The following NAALADL2 variants were observed in gnomAD, a reference collection of about 807,000 sequenced individuals.
NAALADL2 encodes inactive N-acetylated-alpha-linked acidic dipeptidase-like protein 2.
NAALADL2 carries 76 observed loss-of-function variants against 87.2 expected under a neutral mutation model. The ratio of observed to expected loss-of-function variants is 0.87; its 90% CI spans 0.72 to 1.05. NAALADL2 has a LOEUF of 1.05. Ranked by LOEUF, NAALADL2 falls within the 50% of genes least tolerant of loss-of-function variation. The pLI is 0.00. For missense variants in NAALADL2, 1,089 were observed against 945.8 expected (o/e 1.15, Z -1.99); for synonymous variants, 354 against 331.0 (o/e 1.07, Z -0.75).
intron 1 of NAALADL2, among the ~76,000 whole-genome samples, chr3:174,509,247 G>A (rs1307862278): frequency 6.6e-6 from 1 of 151,980 alleles, no homozygotes; most frequent in Non-Finnish European, 1.5e-5. Flanking sequence ...ATATAAAGAA[G>A]GATGTTAGCT....
At chr3:175,085,743 C>T (rs1462298112) in intron 1 of NAALADL2, among the ~76,000 whole-genome samples, 1 of 152,044 alleles carries the variant, frequency 6.6e-6, no homozygotes, top group Non-Finnish European at 1.5e-5. Context: ...CATGGTGAAA[C>T]CCTGTCTCTA....
At chr3:175,685,420 G>C (rs982686083) in intron 11 of NAALADL2, among the ~76,000 whole-genome samples, 2 of 151,412 alleles carry the variant, frequency 1.3e-5, no homozygotes, top group African/African-American at 4.9e-5. Context: ...TGGTGTCTTA[G>C]TGTTCTCAGA....
intron 2 of NAALADL2, among the ~76,000 whole-genome samples, chr3:174,732,865 G>A (rs1381757541): frequency 6.6e-6 from 1 of 152,098 alleles, no homozygotes; most frequent in Admixed American, 6.6e-5. Context: ...GACATAGCAT[G>A]TGTTCCATTG....
chr3:175,252,943 A>G (rs534605629), intron 3 of NAALADL2, among the ~76,000 whole-genome samples: 1 of 152,206 alleles, frequency 6.6e-6, no homozygotes, highest in Non-Finnish European at 1.5e-5. Context: ...TGAAGTTAAC[A>G]GGGGTTGATC....
intron 2 of NAALADL2, among the ~76,000 whole-genome samples, chr3:175,127,394 A>T (rs78385749): frequency 0.019 from 2,820 of 152,236 alleles, 94 homozygotes; most frequent in African/African-American, 0.065. Flanking sequence ...CAAGTCTATG[A>T]ATAGCAGAAA....
At position 175,805,154 on chromosome 3, in the gene NAALADL2, A is replaced by G. The variant is rs1440150727; in HGVS notation, c.*1951A>G. ...AAAGGTTGATGTGTTCATTCCAGTT[A>G]TTCACTTACAGATGAAACTAAAACA... On this transcript the variant is annotated 3_prime_UTR_variant, in exon 14 of 14. Transcript: ENST00000454872. 2.6e-5 allele frequency: 4 copies of G among 151,924 alleles called. No homozygotes were observed. Among genetic ancestry groups the G allele is most frequent in the Non-Finnish European group, 5.9e-5 (4 of 67,896 alleles). The allele number at this position is 151,924 out of a possible 1,614,324, so 9.4% of individuals were successfully genotyped here. A position where few individuals can be genotyped will look rare whatever the true frequency, so the allele number is the denominator to read the frequency against.
chr3:174,967,884 T>C (rs939707528), intron 1 of NAALADL2, among the ~76,000 whole-genome samples: 3 of 152,220 alleles, frequency 2.0e-5, no homozygotes, highest in Non-Finnish European at 2.9e-5. Context: ...GTGGTTGTTA[T>C]GCAGCAATAC....
intron 9 of NAALADL2, among the ~76,000 whole-genome samples, chr3:175,530,019 C>A (rs1009267892): frequency 2.0e-5 from 3 of 152,138 alleles, no homozygotes; most frequent in African/African-American, 7.2e-5. Flanking sequence ...AAATTGGGCA[C>A]TCAGCAGTGG....
At chr3:175,156,310 A>T (rs62283011) in intron 2 of NAALADL2, among the ~76,000 whole-genome samples, 54,806 of 151,862 alleles carry the variant, frequency 0.36, 11,225 homozygotes, top group East Asian at 0.56. Flanking sequence ...ATTCTCAGAC[A>T]AATCTTTAGA....
chr3:175,806,532 A>G lies in NAALADL2; in HGVS notation c.*3329A>G. 1 of 151,998 alleles carries G rather than the reference A, an allele frequency of 6.6e-6. No homozygotes were observed. Among genetic ancestry groups the G allele is most frequent in the Middle Eastern group, 3.4e-3 (1 of 294 alleles). 9.4% of individuals were successfully genotyped at this position (151,998 alleles called of 1,614,324 possible). ...ACATTTCTAAATAAATTGAAGAGTC[A>G]TAATAACAAGAAAGACGTAAAGATT... On this transcript the variant is annotated 3_prime_UTR_variant, in exon 14 of 14. Transcript: ENST00000454872.
At chr3:175,298,990 A>T (rs1000288864) in intron 4 of NAALADL2, among the ~76,000 whole-genome samples, 1 of 152,140 alleles carries the variant, frequency 6.6e-6, no homozygotes, top group African/African-American at 2.4e-5. Flanking sequence ...TTTTAAGCAG[A>T]TTCTTTCAAA....
In NAALADL2 at chr3:175,093,344, T is replaced by C. The variant is rs568609898; in HGVS notation, c.44-3446T>C. Among the ~76,000 whole-genome samples the C allele has an allele frequency of 2.7e-5, 4 of 150,616 alleles. No homozygotes were observed. In the East Asian group the frequency reaches 7.8e-4, roughly 29 times the overall value. On this transcript the variant is annotated intron_variant, in intron 1 of 13. Transcript: ENST00000454872. ...GGGAACCATAGAATAATTTATGCTA[T>C]CTCAAAGCTGAATGTTACTAAAGTT...
At chr3:175,250,038 G>A (rs751424121) in intron 3 of NAALADL2, among the ~76,000 whole-genome samples, 2 of 151,792 alleles carry the variant, frequency 1.3e-5, no homozygotes, top group Non-Finnish European at 2.9e-5. Context: ...GCGTGGTGGC[G>A]CATGCCTGTA....
At chr3:174,847,081 C>T (rs935299111) in intron 3 of NAALADL2, among the ~76,000 whole-genome samples, 4 of 152,148 alleles carry the variant, frequency 2.6e-5, no homozygotes, top group African/African-American at 9.7e-5. Flanking sequence ...CTGTCTCTAG[C>T]AGCTGGGTTA....
chr3:175,573,108 T>C (rs1718335605), intron 9 of NAALADL2, among the ~76,000 whole-genome samples: 1 of 152,218 alleles, frequency 6.6e-6, no homozygotes, highest in Non-Finnish European at 1.5e-5. Flanking sequence ...AATAGGCACA[T>C]ATTGTAGAAT....
intron 2 of NAALADL2, among the ~76,000 whole-genome samples, chr3:175,165,066 T>A (rs919117272): frequency 6.6e-6 from 1 of 152,158 alleles, no homozygotes; most frequent in Admixed American, 6.6e-5. Flanking sequence ...GTGAATGTGC[T>A]ATATCTGTCC....
intron 2 of NAALADL2, among the ~76,000 whole-genome samples, chr3:174,699,494 CA>C (rs5854590): frequency 0.26 from 31,223 of 120,928 alleles, 4,751 homozygotes; most frequent in East Asian, 0.52. Flanking sequence ...AACTCCATCT[CA>C]AAAAAAAAAA....
At chr3:175,615,281 T>C (rs1363229758) in intron 10 of NAALADL2, among the ~76,000 whole-genome samples, 1 of 152,162 alleles carries the variant, frequency 6.6e-6, no homozygotes, top group African/African-American at 2.4e-5. Flanking sequence ...GTAGATGTAT[T>C]TCATTAGGCA....
intron 11 of NAALADL2, among the ~76,000 whole-genome samples, chr3:175,657,864 C>G (rs951246005): frequency 1.6e-4 from 24 of 152,014 alleles, no homozygotes; most frequent in Non-Finnish European, 7.4e-5. Context: ...GCGTGAGCCA[C>G]CGTGCCTGGC....
Sources: allele counts gnomAD v4.1 joint callset (sites outside exome capture counted in the v4.1 genomes callset), GRCh38; gene constraint gnomAD v4.1.1; transcripts MANE v1.5; gene names NCBI Gene and HGNC (gene_info 2026-07-23, HGNC 2026-07-21).